Variants in COL19A1 observed in about 807,000 individuals in gnomAD.
The protein encoded by COL19A1 is collagen alpha-1(XIX) chain.
Under a neutral mutation model 190.2 loss-of-function variants are expected in COL19A1, and 159 were observed. That is an observed-to-expected ratio of 0.84 (90% CI 0.73 to 0.95). The LOEUF (loss-of-function observed/expected upper bound fraction) is 0.95. COL19A1 is among the 40% of genes least tolerant of loss of function. The pLI, the probability that COL19A1 is intolerant of heterozygous loss-of-function variation, is 0.00. For missense variants in COL19A1, 1,418 were observed against 1,431.9 expected, an observed-to-expected ratio of 0.99 and a Z score of 0.16; for synonymous variants, 509 against 458.9, an observed-to-expected ratio of 1.11 and a Z score of -1.39.
rs1421876674 is a variant in COL19A1 at position 69,879,551 on chromosome 6, C to T, written c.-17C>T. ...TCTGTTGCAGATCCGTGGCCGTTCACATGGTTTCAAGGCACAATGAGACTC... is the reference window on the plus strand; with the variant it reads ...TCTGTTGCAGATCCGTGGCCGTTCATATGGTTTCAAGGCACAATGAGACTC... On this transcript the variant is annotated 5_prime_UTR_variant, in exon 2 of 51. Transcript: ENST00000620364. 1 of 1,610,194 alleles carries T rather than the reference C, an allele frequency of 6.2e-7. No individual in the cohort carries two copies. The highest frequency in any genetic ancestry group is 1.3e-5 in the African/African-American group (1 of 74,782).
At chr6:70,074,854 G>T (rs3793048) in intron 15 of COL19A1, among the ~76,000 whole-genome samples, 37,820 of 152,074 alleles carry the variant, frequency 0.25, 7,948 homozygotes, top group African/African-American at 0.56. Flanking sequence ...TCACTAAAAC[G>T]ATGACTGGTG....
intron 10 of COL19A1, among the ~76,000 whole-genome samples, chr6:69,960,603 G>A (rs1251563622): frequency 8.8e-5 from 13 of 148,462 alleles, no homozygotes; most frequent in Admixed American, 8.7e-4. Context: ...TTAACAAGAT[G>A]AACTTCCTTT....
At chr6:69,930,808 A>AAAAC (rs764384017) in intron 6 of COL19A1, among the ~76,000 whole-genome samples, 4 of 152,188 alleles carry the variant, frequency 2.6e-5, no homozygotes, top group Admixed American at 6.6e-5. Context: ...CAAAAAACAA[A>AAAAC]AAACAAACAA....
intron 15 of COL19A1, chr6:70,098,802 G>C (rs1416428254): frequency 1.1e-5 from 2 of 180,518 alleles, no homozygotes; most frequent in Non-Finnish European, 2.3e-5. Flanking sequence ...CAGTGCGGCT[G>C]TATTCGGTGC....
intron 11 of COL19A1, among the ~76,000 whole-genome samples, chr6:70,001,126 A>T (rs552214577): frequency 1.2e-4 from 18 of 152,170 alleles, no homozygotes; most frequent in African/African-American, 4.1e-4. Flanking sequence ...TGAATAGGAG[A>T]TTCTTTCCCC....
At chr6:69,996,321 A>T (rs2150078855) in intron 11 of COL19A1, among the ~76,000 whole-genome samples, 1 of 152,296 alleles carries the variant, frequency 6.6e-6, no homozygotes, top group Non-Finnish European at 1.5e-5. Flanking sequence ...CACTAGACTC[A>T]GGTCACTAGA....
At chr6:69,955,497 C>T in intron 9 of COL19A1, among the ~76,000 whole-genome samples, 1 of 149,028 alleles carries the variant, frequency 6.7e-6, no homozygotes. Context: ...AATAGAAGTA[C>T]AAAACTGTAT....
chr6:69,882,050 T>C (rs533637584), intron 2 of COL19A1, among the ~76,000 whole-genome samples: 21 of 152,242 alleles, frequency 1.4e-4, no homozygotes, highest in South Asian at 2.1e-4. Context: ...ATATAACAAA[T>C]CTGAGAGAGA....
intron 34 of COL19A1, among the ~76,000 whole-genome samples, chr6:70,160,402 G>A (rs549115966): frequency 3.9e-5 from 6 of 152,220 alleles, no homozygotes; most frequent in African/African-American, 1.4e-4. Context: ...GGGGATTACA[G>A]TTTGAGATGA....
intron 40 of COL19A1, among the ~76,000 whole-genome samples, 158 bp from the exon 41 acceptor site, chr6:70,171,806 T>G (rs1160948946): frequency 6.6e-6 from 1 of 152,188 alleles, no homozygotes; most frequent in Non-Finnish European, 1.5e-5. Context: ...TCAAATGCAA[T>G]AATACATTAC....
chr6:69,951,021 A>AC (rs1359071842), intron 9 of COL19A1, among the ~76,000 whole-genome samples: 1 of 151,860 alleles, frequency 6.6e-6, no homozygotes, highest in Non-Finnish European at 1.5e-5. Context: ...TTATGCTAAA[A>AC]CCCATATTCT....
chr6:70,160,380 C>G (rs1787722181), intron 34 of COL19A1, among the ~76,000 whole-genome samples: 1 of 152,090 alleles, frequency 6.6e-6, no homozygotes, highest in African/African-American at 2.4e-5. Flanking sequence ...TCACCTCCCT[C>G]CCTCTACATG....
At chr6:69,970,379 T>C (rs1248320560) in intron 11 of COL19A1, among the ~76,000 whole-genome samples, 1 of 152,160 alleles carries the variant, frequency 6.6e-6, no homozygotes, top group Non-Finnish European at 1.5e-5. Context: ...ATTTTAAAAA[T>C]CTTAATTAGA....
chr6:70,128,124 G>A (rs1785311165), intron 17 of COL19A1, among the ~76,000 whole-genome samples: 1 of 152,090 alleles, frequency 6.6e-6, no homozygotes, highest in Non-Finnish European at 1.5e-5. Context: ...TTTTGTTTCA[G>A]TTTTAAACTT....
intron 12 of COL19A1, among the ~76,000 whole-genome samples, chr6:70,026,830 A>G (rs1778754003): frequency 6.6e-6 from 1 of 152,240 alleles, no homozygotes; most frequent in Admixed American, 6.5e-5. Context: ...GGCTTCAGAA[A>G]TTAAGCAACT....
intron 11 of COL19A1, among the ~76,000 whole-genome samples, chr6:70,005,316 C>A (rs376451051): frequency 6.6e-6 from 1 of 152,012 alleles, no homozygotes; most frequent in African/African-American, 2.4e-5. Flanking sequence ...AGGATGCTGA[C>A]CTTTGGATGG....
At chr6:70,078,014 A>G (rs890491850) in intron 15 of COL19A1, among the ~76,000 whole-genome samples, 1 of 152,218 alleles carries the variant, frequency 6.6e-6, no homozygotes, top group Non-Finnish European at 1.5e-5. Context: ...AAACATTTCC[A>G]TAGCTTTGTG....
intron 14 of COL19A1, among the ~76,000 whole-genome samples, chr6:70,050,484 C>A (rs1442646649): frequency 6.6e-6 from 1 of 151,856 alleles, no homozygotes; most frequent in Non-Finnish European, 1.5e-5. Context: ...AACTGTATCC[C>A]CAGAGACTAA....
intron 4 of COL19A1, among the ~76,000 whole-genome samples, chr6:69,902,691 T>C (rs1582338436): frequency 1.3e-5 from 2 of 152,304 alleles, no homozygotes; most frequent in South Asian, 2.1e-4. Flanking sequence ...GGGAAGCTTA[T>C]GAGAGGCCAC....
Sources: allele counts gnomAD v4.1 joint callset (sites outside exome capture counted in the v4.1 genomes callset), GRCh38; gene constraint gnomAD v4.1.1; transcripts MANE v1.5; gene names NCBI Gene and HGNC (gene_info 2026-07-23, HGNC 2026-07-21).